The following TMX4 variants were observed in gnomAD, a reference collection of about 807,000 sequenced individuals.
TMX4 encodes the protein thioredoxin related transmembrane protein 4, also known as thioredoxin-related transmembrane protein 4.
In TMX4, 23 loss-of-function variants were observed where a neutral mutation model predicts 33.3. The ratio of observed to expected loss-of-function variants is 0.69; its 90% CI spans 0.50 to 0.98. The LOEUF is 0.98. Ranked by LOEUF, TMX4 falls within the 50% of genes least tolerant of loss-of-function variation. The pLI is 0.00. For synonymous variants in TMX4, 164 were observed against 161.5 expected (o/e 1.02, Z -0.12); for missense variants, 399 against 448.9 (o/e 0.89, Z 1.01).
intron 1 of TMX4, among the ~76,000 whole-genome samples, chr20:8,012,345 G>A (rs2050756382): frequency 6.6e-6 from 1 of 152,072 alleles, no homozygotes; most frequent in African/African-American, 2.4e-5. Context: ...TTTAATAGGA[G>A]CAACCATTAA....
chr20:8,019,107 T>A, intron 1 of TMX4: 1 of 484,208 alleles, frequency 2.1e-6, no homozygotes, highest in Middle Eastern at 3.0e-4. Flanking sequence ...AGCTGCCCAC[T>A]CCACCCCGAA....
chr20:7,983,658 A>G (rs950594918), intron 7 of TMX4, 136 bp downstream of exon 7: 2 of 555,994 alleles, frequency 3.6e-6, no homozygotes, highest in Non-Finnish European at 6.2e-6. Flanking sequence ...CCTAGAAAAC[A>G]CATTTTAAGA....
chr20:7,983,966 G>A (rs2050620030), intron 6 of TMX4, 109 bp from the exon 7 acceptor site: 2 of 705,038 alleles, frequency 2.8e-6, no homozygotes, highest in Non-Finnish European at 4.7e-6. Context: ...CTAATAATTA[G>A]CAGCTAGTCA....
intron 1 of TMX4, among the ~76,000 whole-genome samples, chr20:8,017,895 C>T (rs2050782830): frequency 6.6e-6 from 1 of 152,120 alleles, no homozygotes; most frequent in Non-Finnish European, 1.5e-5. Flanking sequence ...GTCTACAGTT[C>T]CCTTTAATAA....
At chr20:8,009,689 A>G (rs6140495) in intron 2 of TMX4, among the ~76,000 whole-genome samples, 11,662 of 152,098 alleles carry the variant, frequency 0.077, 1,041 homozygotes, top group East Asian at 0.53. Context: ...TAATATTCCT[A>G]TAAGTTCCAT....
chr20:7,982,730 T>C, intron 7 of TMX4, 109 bp from the exon 8 acceptor site: 2 of 1,271,960 alleles, frequency 1.6e-6, no homozygotes, highest in Non-Finnish European at 2.2e-6. Flanking sequence ...GACAGTTTTT[T>C]CTATCTTGAA....
chr20:8,019,523 C>T lies in TMX4; in HGVS notation c.91G>A (p.Ala31Thr), dbSNP rs2122893610. The change falls in exon 1 of 8, where the codon GCG becomes ACG. Residue 31 changes from alanine (A) to threonine (T), a missense_variant. By Grantham distance (58) the Ala-to-Thr change is moderately conservative (BLOSUM62 0). Transcript: ENST00000246024. ...ACCCGGCTCTGCTCCGGCGGCAGCGCGGCCTCCTCGGGGCCTGCCGTCGCC... is the reference window on the plus strand; with the variant it reads ...ACCCGGCTCTGCTCCGGCGGCAGCGTGGCCTCCTCGGGGCCTGCCGTCGCC... ...VAATAGPEEA[A>T]LPPEQSRVQP... is the part of the protein sequence containing the mutation. The T allele has an allele frequency of 2.0e-6, 3 of 1,495,132 alleles. No homozygotes were observed. Among genetic ancestry groups the T allele is most frequent in the South Asian group, 1.3e-5 (1 of 78,714 alleles). The allele number at this position is 1,495,132 out of a possible 1,614,324, so 92.6% of individuals were successfully genotyped here.
intron 5 of TMX4, among the ~76,000 whole-genome samples, chr20:7,992,599 T>C (rs983051110): frequency 2.0e-5 from 3 of 152,148 alleles, no homozygotes; most frequent in African/African-American, 7.2e-5. Context: ...GAGGTTGGTA[T>C]GAAGTTAAGA....
At chr20:8,000,189 T>C (rs1287883040) in intron 3 of TMX4, among the ~76,000 whole-genome samples, 1 of 152,162 alleles carries the variant, frequency 6.6e-6, no homozygotes, top group African/African-American at 2.4e-5. Context: ...AAAACAGCCA[T>C]TGTTATCAAG....
chr20:7,987,478 C>T, intron 5 of TMX4, 89 bp from the exon 6 acceptor site: 1 of 841,854 alleles, frequency 1.2e-6, no homozygotes, highest in Non-Finnish European at 1.8e-6. Context: ...TTTCTACATA[C>T]ATAGGTTCCC....
chr20:7,999,819 A>G lies in TMX4; in HGVS notation c.380T>C (p.Ile127Thr). 1 of 1,613,718 alleles carries G rather than the reference A, an allele frequency of 6.2e-7. No homozygotes were observed. Among genetic ancestry groups the G allele is most frequent in the Non-Finnish European group, 8.5e-7 (1 of 1,179,856 alleles). The change falls in exon 4 of 8, where the codon ATC becomes ACC. Residue 127 changes from isoleucine (I) to threonine (T), a missense_variant. Transcript: ENST00000246024. Reference sequence around the variant, plus strand: ...GATATAATTCTGCAGGTCTTCGAAGATTCCTGGGCCACGATAACGGCGGAA... The same window carrying G: ...GATATAATTCTGCAGGTCTTCGAAGGTTCCTGGGCCACGATAACGGCGGAA... ...GIFRRYRGPG[I>T]FEDLQNYILE...
chr20:8,007,971 C>G (rs2122875127), intron 2 of TMX4, among the ~76,000 whole-genome samples: 1 of 152,336 alleles, frequency 6.6e-6, no homozygotes, highest in South Asian at 2.1e-4. Context: ...GGAGCAAGGC[C>G]TCTGTCCTCC....
In TMX4 at chr20:7,978,375, C is replaced by T. The variant is rs903097355; in HGVS notation, c.*3876G>A. ...CATCCTATGAAACAACATACCAGCT[C>T]CACTACTGATGCATTTGGTAATAAA... On this transcript the variant is annotated 3_prime_UTR_variant, in exon 8 of 8. Coordinates refer to ENST00000246024, the MANE Select transcript of TMX4 (RefSeq NM_021156.4). The T allele has an allele frequency of 6.6e-6, 1 of 152,148 alleles. No individual in the cohort carries two copies. Among genetic ancestry groups the T allele is most frequent in the East Asian group, 1.9e-4 (1 of 5,184 alleles). The allele number at this position is 152,148 out of a possible 1,614,324, so 9.4% of individuals were successfully genotyped here.
At chr20:7,986,520 A>C (rs1386081023) in intron 6 of TMX4, among the ~76,000 whole-genome samples, 1 of 152,170 alleles carries the variant, frequency 6.6e-6, no homozygotes, top group African/African-American at 2.4e-5. Flanking sequence ...TTCCCATTAT[A>C]GTGTTTAGGA....
At chr20:7,994,543 C>T (rs1393369100) in intron 5 of TMX4, among the ~76,000 whole-genome samples, 1 of 152,194 alleles carries the variant, frequency 6.6e-6, no homozygotes, top group Non-Finnish European at 1.5e-5. Context: ...TATGTATCTT[C>T]CCTGCTATCG....
chr20:8,001,952 T>C (rs527526731), intron 2 of TMX4, among the ~76,000 whole-genome samples: 20 of 152,320 alleles, frequency 1.3e-4, no homozygotes, highest in African/African-American at 4.3e-4. Context: ...TTATTAGGCT[T>C]AGCATGGTGC....
At chr20:8,002,423 C>T (rs2050711468) in intron 2 of TMX4, among the ~76,000 whole-genome samples, 1 of 151,958 alleles carries the variant, frequency 6.6e-6, no homozygotes, top group Non-Finnish European at 1.5e-5. Flanking sequence ...GGTAGGTATG[C>T]AAAAAAATGC....
At position 7,978,017 on chromosome 20, in the gene TMX4, A is replaced by C. The variant is rs533077490; in HGVS notation, c.*4234T>G. 2.6e-5 allele frequency: 4 copies of C among 152,364 alleles called. No individual in the cohort carries two copies. Among genetic ancestry groups the C allele is most frequent in the Non-Finnish European group, 5.9e-5 (4 of 68,030 alleles). The allele number at this position is 152,364 out of a possible 1,614,324, so 9.4% of individuals were successfully genotyped here. A position where few individuals can be genotyped will look rare whatever the true frequency, so the allele number is the denominator to read the frequency against. ...AAATTTGGCTTTTTAAGACAAGCTA[A>C]AATCTCCTCCAGAGAATCAAAATGT... On this transcript the variant is annotated 3_prime_UTR_variant, in exon 8 of 8. Transcript: ENST00000246024.
intron 5 of TMX4, among the ~76,000 whole-genome samples, chr20:7,992,213 G>T (rs748399383): frequency 1.3e-5 from 2 of 152,294 alleles, no homozygotes; most frequent in Non-Finnish European, 2.9e-5. Context: ...GTCCTTTGAA[G>T]ATGTCAACTC....
Sources: allele counts gnomAD v4.1 joint callset (sites outside exome capture counted in the v4.1 genomes callset), GRCh38; gene constraint gnomAD v4.1.1; transcripts MANE v1.5; gene names NCBI Gene and HGNC (gene_info 2026-07-23, HGNC 2026-07-21).